Variants in STARD13 observed in about 807,000 individuals in gnomAD.
The protein encoded by STARD13 is stAR-related lipid transfer protein 13.
A neutral mutation model predicts 106.4 loss-of-function variants in STARD13; 62 were observed. The ratio of observed to expected loss-of-function variants is 0.58; its 90% CI spans 0.48 to 0.72. The LOEUF is 0.72. Among genes scored for constraint, STARD13 ranks in the 30% least tolerant of loss-of-function variants. The pLI, the probability that STARD13 is intolerant of heterozygous loss-of-function variation, is 0.00. For synonymous variants in STARD13, 565 were observed against 553.0 expected, an observed-to-expected ratio of 1.02 and a Z score of -0.31; for missense variants, 1,387 against 1,424.0, an observed-to-expected ratio of 0.97 and a Z score of 0.42.
At chr13:33,559,997 T>C in the STARD13 span, among the ~76,000 whole-genome samples, 2 of 151,720 alleles carry the variant, frequency 1.3e-5, no homozygotes, top group South Asian at 4.1e-4. Context: ...CCTCTGGAAC[T>C]ATGAAATATA....
the STARD13 span, among the ~76,000 whole-genome samples, chr13:33,484,350 G>T: frequency 6.6e-6 from 1 of 152,194 alleles, no homozygotes; most frequent in African/African-American, 2.4e-5. Context: ...GAGGTCACAT[G>T]ATTTGTAACT....
At chr13:33,196,861 C>T (rs141256927) in intron 1 of STARD13, among the ~76,000 whole-genome samples, 322 of 152,218 alleles carry the variant, frequency 2.1e-3, no homozygotes, top group African/African-American at 7.0e-3. Flanking sequence ...AGAAAAGAAG[C>T]CAACTGAACT....
At chr13:33,174,877 C>G (rs1440215369) in intron 1 of STARD13, among the ~76,000 whole-genome samples, 1 of 152,168 alleles carries the variant, frequency 6.6e-6, no homozygotes, top group Admixed American at 6.5e-5. Flanking sequence ...GCCTAGAGTG[C>G]ATGATCTATA....
intron 1 of STARD13, among the ~76,000 whole-genome samples, chr13:33,187,468 A>T (rs191467491): frequency 6.6e-6 from 1 of 152,318 alleles, no homozygotes; most frequent in Admixed American, 6.5e-5. Flanking sequence ...ATTTATGAAA[A>T]GTCTGATTGG....
the STARD13 span, among the ~76,000 whole-genome samples, chr13:33,604,329 G>A: frequency 2.6e-5 from 4 of 152,118 alleles, no homozygotes; most frequent in Non-Finnish European, 5.9e-5. Context: ...TACAATTAAT[G>A]CCAAGCATAA....
the STARD13 span, among the ~76,000 whole-genome samples, chr13:33,365,867 C>T: frequency 1.3e-5 from 2 of 152,078 alleles, no homozygotes; most frequent in Admixed American, 1.3e-4. Flanking sequence ...GCTCACAAAT[C>T]CCTTTCTGTT....
chr13:33,346,468 T>G (rs967274100), downstream of STARD13, among the ~76,000 whole-genome samples: 2 of 152,234 alleles, frequency 1.3e-5, no homozygotes, highest in Non-Finnish European at 2.9e-5. Context: ...TCTTTTTGTC[T>G]ATCTGTTCAG....
chr13:33,542,840 C>G, the STARD13 span, among the ~76,000 whole-genome samples: 1 of 152,202 alleles, frequency 6.6e-6, no homozygotes, highest in African/African-American at 2.4e-5. Context: ...CATCTGGTGC[C>G]GAGTCTCCCG....
chr13:33,237,319 T>A (rs1889242583), intron 1 of STARD13, among the ~76,000 whole-genome samples: 1 of 152,356 alleles, frequency 6.6e-6, no homozygotes, highest in South Asian at 2.1e-4. Context: ...TTCCTTGGCC[T>A]CACTTTCAAT....
chr13:33,489,785 T>C, the STARD13 span, among the ~76,000 whole-genome samples: 1 of 152,346 alleles, frequency 6.6e-6, no homozygotes, highest in African/African-American at 2.4e-5. Context: ...TCAAGTTTTC[T>C]TTTCTTTATC....
the STARD13 span, among the ~76,000 whole-genome samples, chr13:33,515,795 A>C: frequency 6.6e-6 from 1 of 152,166 alleles, no homozygotes; most frequent in Admixed American, 6.6e-5. Flanking sequence ...TAATGAGAGT[A>C]ATGGGCTGAA....
the STARD13 span, among the ~76,000 whole-genome samples, chr13:33,456,024 G>A: frequency 1.3e-5 from 2 of 152,282 alleles, no homozygotes; most frequent in African/African-American, 2.4e-5. Flanking sequence ...AAAGTCATAT[G>A]ATATCCAAAT....
intron 1 of STARD13, among the ~76,000 whole-genome samples, chr13:33,305,646 C>A (rs535403584): frequency 2.6e-5 from 4 of 152,276 alleles, no homozygotes; most frequent in African/African-American, 7.2e-5. Flanking sequence ...TGCAGGCAGG[C>A]CTTGCCATCC....
At chr13:33,492,152 C>T in the STARD13 span, among the ~76,000 whole-genome samples, 1 of 152,110 alleles carries the variant, frequency 6.6e-6, no homozygotes, top group Non-Finnish European at 1.5e-5. Context: ...CAGGAACAGG[C>T]CATTTTCACT....
chr13:33,456,879 T>A, the STARD13 span, among the ~76,000 whole-genome samples: 1 of 152,374 alleles, frequency 6.6e-6, no homozygotes, highest in Non-Finnish European at 1.5e-5. Context: ...CAATTCCATT[T>A]GTAACAGGCT....
chr13:33,414,260 A>T, the STARD13 span, among the ~76,000 whole-genome samples: 1 of 152,188 alleles, frequency 6.6e-6, no homozygotes, highest in African/African-American at 2.4e-5. Context: ...AATCTGGTAG[A>T]CACTTCAGAA....
chr13:33,374,897 A>G, the STARD13 span, among the ~76,000 whole-genome samples: 4 of 152,208 alleles, frequency 2.6e-5, no homozygotes, highest in Non-Finnish European at 4.4e-5. Context: ...ATTCTAATAT[A>G]CAATCCAAAA....
upstream of STARD13, among the ~76,000 whole-genome samples, chr13:33,287,685 G>A (rs747300442): frequency 2.6e-5 from 4 of 152,164 alleles, no homozygotes; most frequent in Non-Finnish European, 4.4e-5. Flanking sequence ...ACCGGTGGCC[G>A]TCCAATTAAG....
chr13:33,530,363 C>T, the STARD13 span, among the ~76,000 whole-genome samples: 6 of 152,174 alleles, frequency 3.9e-5, no homozygotes, highest in African/African-American at 1.4e-4. Context: ...CTGGCTTTTA[C>T]AGTAATTATT....
Sources: gnomAD v4.1 joint callset for allele counts (sites outside exome capture counted in the v4.1 genomes callset) on GRCh38, gnomAD v4.1.1 for gene constraint, MANE v1.5 for transcripts, NCBI Gene and HGNC (gene_info 2026-07-23, HGNC 2026-07-21) for gene names.